CADPS: variants seen among roughly 807,000 people sequenced by gnomAD.
CADPS encodes the protein calcium-dependent secretion activator 1.
Under a neutral mutation model 167.3 loss-of-function variants are expected in CADPS, and 57 were observed. The ratio of observed to expected loss-of-function variants is 0.34; its 90% CI spans 0.28 to 0.42. The LOEUF (loss-of-function observed/expected upper bound fraction) is 0.42. Among genes scored for constraint, CADPS ranks in the 20% least tolerant of loss-of-function variants. The pLI, the probability that CADPS is intolerant of heterozygous loss-of-function variation, is 1.00. For missense variants in CADPS, 1,414 were observed against 1,738.1 expected, an observed-to-expected ratio of 0.81 and a Z score of 3.32; for synonymous variants, 676 against 635.3, an observed-to-expected ratio of 1.06 and a Z score of -0.96.
intron 1 of CADPS, among the ~76,000 whole-genome samples, chr3:62,867,052 A>G (rs1435512041): frequency 1.3e-5 from 2 of 152,078 alleles, no homozygotes; most frequent in Non-Finnish European, 2.9e-5. Context: ...ATATATATAT[A>G]TGCTTAGAAT....
chr3:62,447,409 C>T (rs552608503), intron 26 of CADPS, among the ~76,000 whole-genome samples: 1 of 152,302 alleles, frequency 6.6e-6, no homozygotes, highest in East Asian at 1.9e-4. Context: ...GAACCTTACA[C>T]TTGTTCTTGC....
chr3:62,865,578 G>C (rs2081539662), intron 1 of CADPS, among the ~76,000 whole-genome samples: 1 of 151,990 alleles, frequency 6.6e-6, no homozygotes, highest in Admixed American at 6.6e-5. Flanking sequence ...GGGAACACTT[G>C]AGGGCTTGAT....
chr3:62,868,236 G>A lies in CADPS; in HGVS notation c.441+6353C>T, dbSNP rs191135593. ...GTTCTAAATTTCAGGTCCTTCTCTT[G>A]GATGCTTTACAGGGGCCAGGGTCAG... On this transcript the variant is annotated intron_variant, in intron 1 of 29. Coordinates refer to ENST00000383710, the MANE Select transcript of CADPS (RefSeq NM_003716.4). Among the ~76,000 whole-genome samples the A allele has an allele frequency of 2.2e-3, 329 of 152,126 alleles. 2 individuals carry two copies. The highest frequency in any genetic ancestry group is 3.2e-3 in the Non-Finnish European group (217 of 67,940).
At chr3:62,603,402 T>G (rs1016118857) in intron 6 of CADPS, among the ~76,000 whole-genome samples, 1 of 152,236 alleles carries the variant, frequency 6.6e-6, no homozygotes, top group Non-Finnish European at 1.5e-5. Context: ...TTACTTATTG[T>G]TATATTCCAG....
intron 3 of CADPS, among the ~76,000 whole-genome samples, chr3:62,715,667 A>T (rs73840974): frequency 2.8e-4 from 42 of 151,430 alleles, no homozygotes; most frequent in African/African-American, 9.7e-4. Context: ...AGACTATGCT[A>T]ATTCACGTTT....
chr3:62,729,235 AT>A (rs2077297533), intron 3 of CADPS, among the ~76,000 whole-genome samples: 1 of 151,738 alleles, frequency 6.6e-6, no homozygotes, highest in South Asian at 2.1e-4. Context: ...TTGCAGACAG[AT>A]TTTACTTGTT....
At chr3:62,531,179 A>G (rs2073577429) in intron 13 of CADPS, among the ~76,000 whole-genome samples, 1 of 151,752 alleles carries the variant, frequency 6.6e-6, no homozygotes, top group Non-Finnish European at 1.5e-5. Context: ...ATTCAGTAAC[A>G]TATGTAGAAT....
Position 62,875,064 on chromosome 3 carries a change from C to T in CADPS, c.-35G>A, listed in dbSNP as rs144816618. ...TGGGGAGCGGGGTCTCTGGAGCCCC[C>T]GGCTTGGAGTGCAAAAGGTGGGGGG... On this transcript the variant is annotated 5_prime_UTR_variant, in exon 1 of 30. Transcript: ENST00000383710. The T allele has an allele frequency of 8.5e-4, 1,319 of 1,550,426 alleles. 8 individuals are homozygous for T. In the African/African-American group the frequency reaches 0.017, roughly 20 times the overall value.
intron 1 of CADPS, among the ~76,000 whole-genome samples, chr3:62,809,203 G>A (rs2094270945): frequency 6.6e-6 from 1 of 152,052 alleles, no homozygotes; most frequent in Non-Finnish European, 1.5e-5. Context: ...CTTTCTAGAT[G>A]TTAGTGATCT....
chr3:62,692,729 C>G (rs11718251), intron 3 of CADPS, among the ~76,000 whole-genome samples: 14,914 of 152,106 alleles, frequency 0.098, 809 homozygotes, highest in Non-Finnish European at 0.12. Flanking sequence ...TTTGATGCTT[C>G]ACTCCTGTAA....
intron 28 of CADPS, among the ~76,000 whole-genome samples, chr3:62,413,897 A>C (rs200299872): frequency 6.6e-5 from 10 of 151,210 alleles, no homozygotes; most frequent in African/African-American, 1.7e-4. Context: ...TTTAAAAAAA[A>C]AAAAAAAAAT....
rs148931400 is a variant in CADPS at position 62,758,344 on chromosome 3, T to C, written c.556-4571A>G. 2.9e-3 allele frequency among the ~76,000 whole-genome samples: 435 copies of C among 152,100 alleles called. 4 individuals carry two copies. Among genetic ancestry groups the C allele is most frequent in the African/African-American group, 8.9e-3 (368 of 41,472 alleles). Reference sequence around the variant, plus strand: ...AGAGATGAGTGGAATGATAAGAACATGGAGGAAAGAGGCCAAAGACTGGGG... The same window carrying C: ...AGAGATGAGTGGAATGATAAGAACACGGAGGAAAGAGGCCAAAGACTGGGG... On this transcript the variant is annotated intron_variant, in intron 2 of 29. Transcript: ENST00000383710.
chr3:62,790,247 CT>C (rs2092816788), intron 1 of CADPS, among the ~76,000 whole-genome samples: 1 of 152,082 alleles, frequency 6.6e-6, no homozygotes, highest in African/African-American at 2.4e-5. Context: ...TAATCACCAA[CT>C]TTATAGTAGT....
At chr3:62,758,081 G>A (rs915024163) in intron 2 of CADPS, among the ~76,000 whole-genome samples, 1 of 152,168 alleles carries the variant, frequency 6.6e-6, no homozygotes, top group Non-Finnish European at 1.5e-5. Flanking sequence ...TGAATCCTGG[G>A]CATAGCATCT....
chr3:62,477,314 GT>G (rs34963178), intron 23 of CADPS, among the ~76,000 whole-genome samples: 82,387 of 138,972 alleles, frequency 0.59, 23,241 homozygotes, highest in East Asian at 0.7. Flanking sequence ...TGCAATCTGG[GT>G]TTTTTTTTTT....
rs193215111 is a variant in CADPS at position 62,579,777 on chromosome 3, T to C, written c.1577+5408A>G. On this transcript the variant is annotated intron_variant, in intron 8 of 29. Coordinates refer to ENST00000383710, the MANE Select transcript of CADPS (RefSeq NM_003716.4). Reference sequence around the variant, plus strand: ...ATGAGATGGGGAATCATTGGAGGTTTTCCTGCATTCGAGTGGCAGGATCTG... The same window carrying C: ...ATGAGATGGGGAATCATTGGAGGTTCTCCTGCATTCGAGTGGCAGGATCTG... 5.5e-3 allele frequency among the ~76,000 whole-genome samples: 838 copies of C among 151,926 alleles called. 11 individuals are homozygous for C. Among genetic ancestry groups the C allele is most frequent in the African/African-American group, 0.019 (802 of 41,310 alleles).
chr3:62,589,891 T>C (rs146322662), intron 7 of CADPS, among the ~76,000 whole-genome samples: 2 of 152,214 alleles, frequency 1.3e-5, no homozygotes, highest in African/African-American at 4.8e-5. Context: ...CACAAACACA[T>C]CTGTAAACTA....
chr3:62,820,150 A>AT (rs1392592041), intron 1 of CADPS, among the ~76,000 whole-genome samples: 4 of 152,188 alleles, frequency 2.6e-5, no homozygotes, highest in African/African-American at 9.6e-5. Context: ...TGAACAAGCC[A>AT]TAATTTCAAC....
At chr3:62,549,772 T>C in intron 11 of CADPS, 131 bp downstream of exon 11, 1 of 714,110 alleles carries the variant, frequency 1.4e-6, no homozygotes, top group Non-Finnish European at 2.3e-6. Flanking sequence ...TCCCCCTGAA[T>C]TCACTATATG....
Sources: gnomAD v4.1 joint callset for allele counts (sites outside exome capture counted in the v4.1 genomes callset) on GRCh38, gnomAD v4.1.1 for gene constraint, MANE v1.5 for transcripts, NCBI Gene and HGNC (gene_info 2026-07-23, HGNC 2026-07-21) for gene names.